Variants in GPATCH8 observed in about 807,000 individuals in gnomAD.
GPATCH8 encodes G patch domain-containing protein 8.
In GPATCH8, 18 loss-of-function variants were observed where a neutral mutation model predicts 118.3. The observed-to-expected ratio is 0.15, with a 90% CI of 0.11 to 0.23. GPATCH8 has a LOEUF of 0.23. Among genes scored for constraint, GPATCH8 ranks in the 10% least tolerant of loss-of-function variants. The probability of loss-of-function intolerance (pLI) is 1.00; values close to 1 mark genes in which losing one functional copy is unlikely to be tolerated. For synonymous variants in GPATCH8, 659 were observed against 684.7 expected, an observed-to-expected ratio of 0.96 and a Z score of 0.59; for missense variants, 1,631 against 1,873.8, an observed-to-expected ratio of 0.87 and a Z score of 2.39.
chr17:44,462,991 TAA>T (rs2051621233), intron 3 of GPATCH8, among the ~76,000 whole-genome samples: 1 of 25,308 alleles, frequency 4.0e-5, no homozygotes, highest in South Asian at 6.5e-4. Flanking sequence ...AAAATATAAA[TAA>T]ATAAATAAAT....
At chr17:44,497,931 A>G (rs1969788988) in intron 1 of GPATCH8, among the ~76,000 whole-genome samples, 2 of 151,948 alleles carry the variant, frequency 1.3e-5, no homozygotes, top group African/African-American at 2.4e-5. Flanking sequence ...AGAGCCAGAC[A>G]CTGTCTCCAA....
intron 3 of GPATCH8, among the ~76,000 whole-genome samples, chr17:44,463,573 G>C (rs2051643694): frequency 6.6e-6 from 1 of 152,138 alleles, no homozygotes; most frequent in Non-Finnish European, 1.5e-5. Flanking sequence ...AGTAGAGATG[G>C]GGTTTCACCA....
intron 3 of GPATCH8, among the ~76,000 whole-genome samples, chr17:44,455,054 G>A (rs912994312): frequency 6.6e-6 from 1 of 152,154 alleles, no homozygotes; most frequent in Non-Finnish European, 1.5e-5. Flanking sequence ...ATTTGGGGGA[G>A]CTACATATTT....
intron 6 of GPATCH8, among the ~76,000 whole-genome samples, chr17:44,422,934 A>G (rs2049964465): frequency 6.6e-6 from 1 of 151,994 alleles, no homozygotes; most frequent in Non-Finnish European, 1.5e-5. Flanking sequence ...TGCTCTATAA[A>G]TTTCTCTTCT....
At position 44,474,903 on chromosome 17, in the gene GPATCH8, C is replaced by T. The variant is rs1967614869; in HGVS notation, c.46G>A (p.Gly16Ser). The T allele has an allele frequency of 6.7e-7, 1 of 1,496,890 alleles. No individual in the cohort carries two copies. Among genetic ancestry groups the T allele is most frequent in the Non-Finnish European group, 9.3e-7 (1 of 1,073,602 alleles). The allele number at this position is 1,496,890 out of a possible 1,614,324, so 92.7% of individuals were successfully genotyped here. A position where few individuals can be genotyped will look rare whatever the true frequency, so the allele number is the denominator to read the frequency against. Reference sequence around the variant, plus strand: ...TCCTCATACTGATCAAAGTGATTACCCTGAAAAAAGATGATTACAGTTATT... The same window carrying T: ...TCCTCATACTGATCAAAGTGATTACTCTGAAAAAAGATGATTACAGTTATT... ...SRFNEDRDFQ[G>S]NHFDQYEEGH... is the part of the protein sequence containing the mutation. Residue 16 changes from glycine to serine, a missense_variant and splice_region_variant, in exon 2 of 8, where the codon GGT (glycine) becomes AGT (serine). This residue lies in a region of GPATCH8 where 28 missense variants were observed against 33.9 expected (regional missense o/e 0.83). Transcript: ENST00000591680.
chr17:44,501,911 T>C (rs1199748222), intron 1 of GPATCH8, among the ~76,000 whole-genome samples: 1 of 152,176 alleles, frequency 6.6e-6, no homozygotes, highest in Non-Finnish European at 1.5e-5. Context: ...TATTTTATAG[T>C]GCTTGCTAAT....
chr17:44,465,267 A>G (rs2051717429), intron 2 of GPATCH8: 1 of 152,200 alleles, frequency 6.6e-6, no homozygotes, highest in Admixed American at 6.5e-5. Flanking sequence ...CTAAGATGTT[A>G]GAATGAAACA....
chr17:44,402,244 T>C (rs1388004221), intron 7 of GPATCH8, among the ~76,000 whole-genome samples: 2 of 136,936 alleles, frequency 1.5e-5, no homozygotes, highest in African/African-American at 2.8e-5. Flanking sequence ...AACTTGAACC[T>C]GGGAGAGGCA....
At chr17:44,497,114 C>T (rs1337044357) in intron 1 of GPATCH8, among the ~76,000 whole-genome samples, 1 of 152,064 alleles carries the variant, frequency 6.6e-6, no homozygotes, top group Non-Finnish European at 1.5e-5. Flanking sequence ...AGCAAAAGTA[C>T]CAAGTTGTTT....
chr17:44,408,700 C>CT (rs1474983303), intron 6 of GPATCH8, among the ~76,000 whole-genome samples: 3 of 152,168 alleles, frequency 2.0e-5, no homozygotes, highest in Non-Finnish European at 4.4e-5. Context: ...TCTGTACAAC[C>CT]TTGAAGATGA....
At chr17:44,490,786 A>G (rs77916315) in intron 1 of GPATCH8, among the ~76,000 whole-genome samples, 5,603 of 152,262 alleles carry the variant, frequency 0.037, 345 homozygotes, top group African/African-American at 0.13. Context: ...AACCTGGCTG[A>G]CCTGCTCTGC....
intron 2 of GPATCH8, among the ~76,000 whole-genome samples, chr17:44,470,898 C>T (rs1055403173): frequency 2.0e-5 from 3 of 152,172 alleles, no homozygotes; most frequent in African/African-American, 4.8e-5. Flanking sequence ...CTAGACGGAG[C>T]TATGGCTTTA....
intron 5 of GPATCH8, among the ~76,000 whole-genome samples, chr17:44,432,536 A>G (rs995874292): frequency 1.3e-5 from 2 of 152,158 alleles, no homozygotes; most frequent in African/African-American, 2.4e-5. Context: ...GAATGCAAGT[A>G]ATGCATTTTG....
chr17:44,429,343 C>T (rs368198787), intron 5 of GPATCH8, among the ~76,000 whole-genome samples: 59 of 152,158 alleles, frequency 3.9e-4, no homozygotes, highest in African/African-American at 1.3e-3. Context: ...CAACATTATA[C>T]AGAGGCTAAA....
Position 44,491,141 on chromosome 17 carries a change from C to T in GPATCH8, c.45+12185G>A, listed in dbSNP as rs150810898. Among the ~76,000 whole-genome samples, 59 of 152,242 alleles carry T rather than the reference C, an allele frequency of 3.9e-4. No individual in the cohort carries two copies. The East Asian group carries it at 7.5e-3, about 19-fold the overall frequency. ...TAATCTCAAAAAGCAAAACACAATA[C>T]GAAACTCTAGAGAGATGTTCTTAGC... On this transcript the variant is annotated intron_variant, in intron 1 of 7. Coordinates refer to ENST00000591680, the MANE Select transcript of GPATCH8 (RefSeq NM_001002909.4).
chr17:44,470,634 A>G (rs1967207433), intron 2 of GPATCH8, among the ~76,000 whole-genome samples: 1 of 151,470 alleles, frequency 6.6e-6, no homozygotes, highest in Non-Finnish European at 1.5e-5. Context: ...GTAGCTGGGT[A>G]ATCCCAGCAC....
chr17:44,484,735 A>T (rs994144256), intron 1 of GPATCH8, among the ~76,000 whole-genome samples: 3 of 152,186 alleles, frequency 2.0e-5, no homozygotes, highest in African/African-American at 7.2e-5. Context: ...AAAAACTTTT[A>T]AAAAGTAAAA....
intron 6 of GPATCH8, among the ~76,000 whole-genome samples, chr17:44,421,018 T>C (rs976459598): frequency 1.3e-5 from 2 of 150,898 alleles, no homozygotes; most frequent in Non-Finnish European, 3.0e-5. Flanking sequence ...GCCTGGCTAA[T>C]TTTTTTTATT....
At chr17:44,424,106 C>T (rs1225445402) in intron 6 of GPATCH8, among the ~76,000 whole-genome samples, 1 of 152,052 alleles carries the variant, frequency 6.6e-6, no homozygotes, top group Non-Finnish European at 1.5e-5. Flanking sequence ...AAGGCAAAAA[C>T]ATTATATAAG....
Sources: allele counts gnomAD v4.1 joint callset (sites outside exome capture counted in the v4.1 genomes callset), GRCh38; gene constraint gnomAD v4.1.1; regional missense constraint gnomAD v4.1.1; transcripts MANE v1.5; gene names NCBI Gene and HGNC (gene_info 2026-07-23, HGNC 2026-07-21).